The following VIPAS39 variants were observed in gnomAD, a reference collection of about 807,000 sequenced individuals.
The protein encoded by VIPAS39 is VPS33B interacting protein, apical-basolateral polarity regulator, spe-39 homolog, also known as spermatogenesis-defective protein 39 homolog.
A neutral mutation model predicts 84.7 loss-of-function variants in VIPAS39; 63 were observed. That is an observed-to-expected ratio of 0.74 (90% confidence interval 0.61 to 0.92). The LOEUF (loss-of-function observed/expected upper bound fraction) is 0.92. Ranked by LOEUF, VIPAS39 falls within the 40% of genes least tolerant of loss-of-function variation. VIPAS39 has a pLI of 0.00. For synonymous variants in VIPAS39, 192 were observed against 216.5 expected (o/e 0.89, Z 0.99); for missense variants, 499 against 604.5 (o/e 0.83, Z 1.83).
chr14:77,455,454 C>T (rs2078946878), intron 1 of VIPAS39, among the ~76,000 whole-genome samples: 1 of 152,170 alleles, frequency 6.6e-6, no homozygotes, highest in Non-Finnish European at 1.5e-5. Context: ...CACTGCACTC[C>T]AGCCTGGGTG....
chr14:77,445,689 A>G (rs2078777185), intron 7 of VIPAS39, among the ~76,000 whole-genome samples: 1 of 152,200 alleles, frequency 6.6e-6, no homozygotes, highest in Admixed American at 6.5e-5. Flanking sequence ...ATATAATCCC[A>G]GCACTTTGGG....
intron 4 of VIPAS39, among the ~76,000 whole-genome samples, chr14:77,450,059 A>G (rs1189064660): frequency 6.6e-6 from 1 of 152,178 alleles, no homozygotes; most frequent in Admixed American, 6.6e-5. Context: ...CATCTCCAGA[A>G]CTTTTTCATC....
At chr14:77,428,201 T>C (rs560386378) in intron 19 of VIPAS39, among the ~76,000 whole-genome samples, 169 bp downstream of exon 19, 1 of 152,312 alleles carries the variant, frequency 6.6e-6, no homozygotes, top group African/African-American at 2.4e-5. Context: ...TCAGGAGTAA[T>C]TTCTGCTATT....
chr14:77,443,872 C>CA (rs11341918), intron 8 of VIPAS39, among the ~76,000 whole-genome samples: 32 of 102,326 alleles, frequency 3.1e-4, no homozygotes, highest in African/African-American at 9.1e-4. Context: ...GACTCCATCT[C>CA]AAAAAAAAAA....
chr14:77,457,307 C>T, intron 1 of VIPAS39, 188 bp downstream of exon 1: 1 of 1,535,702 alleles, frequency 6.5e-7, no homozygotes, highest in Admixed American at 2.0e-5. Flanking sequence ...GAACCAATCG[C>T]TGGTGCTCAC....
At chr14:77,435,424 A>AAAC (rs2078594408) in intron 13 of VIPAS39, 31 bp from the exon 14 acceptor site, 3 of 1,610,776 alleles carry the variant, frequency 1.9e-6, no homozygotes, top group East Asian at 2.2e-5. Flanking sequence ...TGAAAAAAAA[A>AAAC]AAAAACAATG....
chr14:77,453,694 A>T (rs548402141), intron 2 of VIPAS39, among the ~76,000 whole-genome samples: 1 of 152,338 alleles, frequency 6.6e-6, no homozygotes, highest in South Asian at 2.1e-4. Flanking sequence ...CTCTAAAAAT[A>T]AATGATTCCT....
At chr14:77,444,041 C>CAGA (rs2139830637) in intron 8 of VIPAS39, among the ~76,000 whole-genome samples, 1 of 127,850 alleles carries the variant, frequency 7.8e-6, no homozygotes, top group African/African-American at 2.8e-5. Context: ...ACCCTGTCTC[C>CAGA]AAAAAAAAAA....
chr14:77,449,014 A>C (rs1170994773), intron 6 of VIPAS39, among the ~76,000 whole-genome samples: 1 of 152,182 alleles, frequency 6.6e-6, no homozygotes, highest in Non-Finnish European at 1.5e-5. Flanking sequence ...TGCAGTGATG[A>C]TCACTGGGTT....
intron 7 of VIPAS39, among the ~76,000 whole-genome samples, chr14:77,445,938 T>G (rs1594915707): frequency 8.6e-6 from 1 of 116,378 alleles, no homozygotes. Context: ...AGACTCCATC[T>G]CAAAAAAAAA....
intron 7 of VIPAS39, among the ~76,000 whole-genome samples, chr14:77,445,612 G>T (rs894129420): frequency 3.3e-5 from 5 of 151,996 alleles, no homozygotes; most frequent in Non-Finnish European, 5.9e-5. Context: ...TAGAGATGGG[G>T]TCTTGCTATA....
rs376495206 is a variant in VIPAS39, at chr14:77,441,298, C to G, written c.735-205G>C. On this transcript the variant is annotated intron_variant, in intron 10 of 19. Coordinates refer to ENST00000557658, the MANE Select transcript of VIPAS39 (RefSeq NM_001193315.2). ...AAGGACAAGAAGGTACTGCAAGGAACTAATAACTTTGTTAACAGTTCTGAC... is the reference window on the plus strand; with the variant it reads ...AAGGACAAGAAGGTACTGCAAGGAAGTAATAACTTTGTTAACAGTTCTGAC... The G allele has an allele frequency of 2.2e-5, 12 of 555,746 alleles. 1 individual carries two copies. In the South Asian group the frequency reaches 2.3e-4, roughly 11 times the overall value. The allele number at this position is 555,746 out of a possible 1,614,324, so 34.4% of individuals were successfully genotyped here.
chr14:77,442,206 T>C (rs1283101615), intron 10 of VIPAS39, among the ~76,000 whole-genome samples: 2 of 152,248 alleles, frequency 1.3e-5, no homozygotes, highest in Non-Finnish European at 2.9e-5. Context: ...GCTCACATAC[T>C]AGCCCTTCAT....
At chr14:77,443,019 G>T in intron 9 of VIPAS39, 100 bp downstream of exon 9, 1 of 1,514,576 alleles carries the variant, frequency 6.6e-7, no homozygotes, top group Non-Finnish European at 9.2e-7. Context: ...CTCTGAAATA[G>T]ACTTGACTAA....
At chr14:77,439,939 G>C (rs1296325081) in intron 11 of VIPAS39, among the ~76,000 whole-genome samples, 1 of 152,184 alleles carries the variant, frequency 6.6e-6, no homozygotes, top group Admixed American at 6.5e-5. Flanking sequence ...AATTCTTTGA[G>C]ACAAGGTCTC....
At chr14:77,445,211 A>G (rs6574373) in intron 7 of VIPAS39, among the ~76,000 whole-genome samples, 146,415 of 152,034 alleles carry the variant, frequency 0.96, 70,750 homozygotes, top group East Asian at 1. Flanking sequence ...CACCTGCCTC[A>G]GCCTCCCAAG....
intron 4 of VIPAS39, among the ~76,000 whole-genome samples, chr14:77,450,048 C>A (rs993801996): frequency 3.3e-5 from 5 of 152,124 alleles, no homozygotes; most frequent in Non-Finnish European, 5.9e-5. Context: ...TCACCACTAT[C>A]CATCTCCAGA....
At chr14:77,431,844 T>C (rs1431764076) in intron 16 of VIPAS39, among the ~76,000 whole-genome samples, 3 of 152,234 alleles carry the variant, frequency 2.0e-5, no homozygotes, top group Admixed American at 2.0e-4. Context: ...GTAACTATTA[T>C]AAATTATTGC....
intron 3 of VIPAS39, among the ~76,000 whole-genome samples, chr14:77,452,590 G>A (rs1410450655): frequency 6.6e-6 from 1 of 151,904 alleles, no homozygotes; most frequent in Non-Finnish European, 1.5e-5. Flanking sequence ...GACCAGCCTG[G>A]CCAACATGGT....
Sources: gnomAD v4.1 joint callset for allele counts (sites outside exome capture counted in the v4.1 genomes callset) on GRCh38, gnomAD v4.1.1 for gene constraint, MANE v1.5 for transcripts, NCBI Gene and HGNC (gene_info 2026-07-23, HGNC 2026-07-21) for gene names.